The following HNRNPA0 variants were observed in gnomAD, a reference collection of about 807,000 sequenced individuals.
HNRNPA0 encodes hnRNA binding protein.
For synonymous variants in HNRNPA0, 243 were observed against 195.5 expected (o/e 1.24, Z -2.03); for missense variants, 252 against 433.7 (o/e 0.58, Z 3.72).
rs748132831 is a variant in HNRNPA0 at position 137,753,308 on chromosome 5, G to C, written c.759C>G (p.Gly253=). The C allele has an allele frequency of 6.4e-6, 10 of 1,570,300 alleles. No homozygotes were observed. The highest frequency in any genetic ancestry group is 8.6e-6 in the Non-Finnish European group (10 of 1,158,300). Reference sequence around the variant, plus strand: ...GATGCTGGCTGTAGCTGCCGAAGCCGCCGAAGCCGTTACCGTAGTCGCTCC... The same window carrying C: ...GATGCTGGCTGTAGCTGCCGAAGCCCCCGAAGCCGTTACCGTAGTCGCTCC... ...YGGSDYGNGF[G]GFGSYSQHQS... The change falls in exon 1 of 1, where the codon GGC becomes GGG. Residue 253 remains glycine, a synonymous_variant. Coordinates refer to ENST00000314940, the MANE Select transcript of HNRNPA0 (RefSeq NM_006805.4). The surrounding 1 kb of genome is among the most constrained non-coding windows in gnomAD (Gnocchi z 6.1).
chr5:137,750,345 T>C lies in HNRNPA0; in HGVS notation c.*2804A>G, dbSNP rs534478406. ...TCAGATAAGGAATACTCAACCTGTA[T>C]CATCTCTAACAGCCTTTCAAACCAC... On this transcript the variant is annotated 3_prime_UTR_variant, in exon 1 of 1. Coordinates refer to ENST00000314940, the MANE Select transcript of HNRNPA0 (RefSeq NM_006805.4). 35 of 152,320 alleles carry C rather than the reference T, an allele frequency of 2.3e-4. No individual in the cohort carries two copies. Among genetic ancestry groups the C allele is most frequent in the East Asian group, 7.7e-4 (4 of 5,186 alleles). 9.4% of individuals were successfully genotyped at this position (152,320 alleles called of 1,614,324 possible).
In HNRNPA0 at chr5:137,753,955, C is replaced by G. The variant is rs1458913002; in HGVS notation, c.112G>C (p.Val38Leu). The G allele has an allele frequency of 6.2e-7, 1 of 1,614,182 alleles. No individual in the cohort carries two copies. Among genetic ancestry groups the G allele is most frequent in the Non-Finnish European group, 8.5e-7 (1 of 1,180,036 alleles). The change falls in exon 1 of 1, where the codon GTG becomes CTG. Residue 38 changes from valine (V) to leucine (L), a missense_variant. Coordinates refer to ENST00000314940, the MANE Select transcript of HNRNPA0 (RefSeq NM_006805.4). The surrounding 1 kb of genome is among the most constrained non-coding windows in gnomAD (Gnocchi z 6.1). Reference protein sequence around the residue: ...EAFGTLTDCVVVVNPQTKRSR... With the variant: ...EAFGTLTDCVLVVNPQTKRSR... ...CGCTTGGTCTGGGGATTCACCACCA[C>G]CACGCAGTCCGTCAGAGTCCCAAAG...
At position 137,753,833 on chromosome 5, in the gene HNRNPA0, C is replaced by T; in HGVS notation, c.234G>A (p.Glu78=). ...SPHAVDGNTV[E]LKRAVSREDS... is the part of the protein sequence containing the mutation. ...CCTCCCGGGACACCGCCCGCTTCAG[C>T]TCCACAGTGTTGCCGTCCACGGCAT... Residue 78 remains glutamate (E), a synonymous_variant, in exon 1 of 1, where the codon GAG becomes GAA. Transcript: ENST00000314940. This position sits in a 1 kb window ranked among gnomAD's most constrained non-coding sequence, Gnocchi z 6.1. The T allele has an allele frequency of 6.2e-7, 1 of 1,612,284 alleles. No individual in the cohort carries two copies. Among genetic ancestry groups the T allele is most frequent in the Admixed American group, 1.7e-5 (1 of 60,028 alleles).
At position 137,746,435 on chromosome 5, in the gene HNRNPA0, CCAA is replaced by C. The variant is rs1276716296; in HGVS notation, c.*6711_*6713del. 1 of 152,180 alleles carries C rather than the reference CCAA, an allele frequency of 6.6e-6. No individual in the cohort carries two copies. The highest frequency in any genetic ancestry group is 6.5e-5 in the Admixed American group (1 of 15,286). The allele number at this position is 152,180 out of a possible 1,614,324, so 9.4% of individuals were successfully genotyped here. ...TTCCTTTCCTCCTCTTCCTTCAGGT[CCAA>C]CAACCCTGAACAATTTGCATTTCTT... is the stretch of plus-strand genomic sequence containing the variant. On this transcript the variant is annotated 3_prime_UTR_variant, in exon 1 of 1. Transcript: ENST00000314940.
chr5:137,746,766 A>C lies in HNRNPA0; in HGVS notation c.*6383T>G, dbSNP rs984338282. On this transcript the variant is annotated 3_prime_UTR_variant, in exon 1 of 1. Transcript: ENST00000314940. ...AGTAAAATATAAGCTCTTTGAGGGC[A>C]GGGATTTTTGTCTTTTTCTTCTGTA... 2 of 152,172 alleles carry C rather than the reference A, an allele frequency of 1.3e-5. No homozygotes were observed. Among genetic ancestry groups the C allele is most frequent in the Non-Finnish European group, 2.9e-5 (2 of 68,028 alleles). 9.4% of individuals were successfully genotyped at this position (152,172 alleles called of 1,614,324 possible).
rs1050179 is a variant in HNRNPA0, at chr5:137,751,634, G to C, written c.*1515C>G. 6.6e-6 allele frequency: 1 copy of C among 152,042 alleles called. No homozygotes were observed. Among genetic ancestry groups the C allele is most frequent in the Non-Finnish European group, 1.5e-5 (1 of 67,918 alleles). 9.4% of individuals were successfully genotyped at this position (152,042 alleles called of 1,614,324 possible). A position where few individuals can be genotyped will look rare whatever the true frequency, so the allele number is the denominator to read the frequency against. The stretch of plus-strand genomic sequence containing the variant: ...CGTTGCTATTCTCTATTTCTATCCA[G>C]AAAGGCAATTTTCACCTATTATCAC... On this transcript the variant is annotated 3_prime_UTR_variant, in exon 1 of 1. Coordinates refer to ENST00000314940, the MANE Select transcript of HNRNPA0 (RefSeq NM_006805.4).
rs888790574 is a variant in HNRNPA0, at chr5:137,750,159, C to G, written c.*2990G>C. 1.3e-5 allele frequency: 2 copies of G among 151,960 alleles called. No homozygotes were observed. Among genetic ancestry groups the G allele is most frequent in the Admixed American group, 6.6e-5 (1 of 15,262 alleles). The allele number at this position is 151,960 out of a possible 1,614,324, so 9.4% of individuals were successfully genotyped here. A position where few individuals can be genotyped will look rare whatever the true frequency, so the allele number is the denominator to read the frequency against. On this transcript the variant is annotated 3_prime_UTR_variant, in exon 1 of 1. Coordinates refer to ENST00000314940, the MANE Select transcript of HNRNPA0 (RefSeq NM_006805.4). ...AAAAAATCTAAAATGCTCCAAAATC[C>G]GAAATTTTTTGAGTGCAGACATGAC...
Position 137,753,686 on chromosome 5 carries a change from G to T in HNRNPA0, c.381C>A (p.Ala127=). ...CGGACTGCTTGTCGGCAATAATCTC[G>T]GCCTTTTCCACGGTGCCAAACTGCG... ...HFSQFGTVEK[A]EIIADKQSGK... Residue 127 remains alanine (A), a synonymous_variant, in exon 1 of 1, where the codon GCC becomes GCA. Coordinates refer to ENST00000314940, the MANE Select transcript of HNRNPA0 (RefSeq NM_006805.4). The surrounding 1 kb of genome is among the most constrained non-coding windows in gnomAD (Gnocchi z 6.1). 6.2e-7 allele frequency: 1 copy of T among 1,613,912 alleles called. No individual in the cohort carries two copies. The highest frequency in any genetic ancestry group is 8.5e-7 in the Non-Finnish European group (1 of 1,180,032).
Position 137,749,211 on chromosome 5 carries a change from G to C in HNRNPA0, c.*3938C>G, listed in dbSNP as rs905703440. The C allele has an allele frequency of 6.6e-6, 1 of 152,156 alleles. No individual in the cohort carries two copies. The highest frequency in any genetic ancestry group is 2.4e-5 in the African/African-American group (1 of 41,438). 9.4% of individuals were successfully genotyped at this position (152,156 alleles called of 1,614,324 possible). A position where few individuals can be genotyped will look rare whatever the true frequency, so the allele number is the denominator to read the frequency against. ...CAGGAAATGATAGCTATTTCAGATA[G>C]ATTTTTTAAGTAAACCATACAAAGT... On this transcript the variant is annotated 3_prime_UTR_variant, in exon 1 of 1. Coordinates refer to ENST00000314940, the MANE Select transcript of HNRNPA0 (RefSeq NM_006805.4).
rs1434983037 is a variant in HNRNPA0, at chr5:137,750,812, T to TC, written c.*2336dup. 6.6e-6 allele frequency: 1 copy of TC among 152,166 alleles called. No individual in the cohort carries two copies. The highest frequency in any genetic ancestry group is 1.5e-5 in the Non-Finnish European group (1 of 68,008). 9.4% of individuals were successfully genotyped at this position (152,166 alleles called of 1,614,324 possible). ...TACACAGAAAATCCTTTTACATAATTCATTTGCAAACTTTAGAAGCCACTA... is the reference window on the plus strand; with the variant it reads ...TACACAGAAAATCCTTTTACATAATTCCATTTGCAAACTTTAGAAGCCACTA... On this transcript the variant is annotated 3_prime_UTR_variant, in exon 1 of 1. Coordinates refer to ENST00000314940, the MANE Select transcript of HNRNPA0 (RefSeq NM_006805.4).
chr5:137,754,337 T>G lies in HNRNPA0; in HGVS notation c.-271A>C. On this transcript the variant is annotated 5_prime_UTR_variant, in exon 1 of 1. Coordinates refer to ENST00000314940, the MANE Select transcript of HNRNPA0 (RefSeq NM_006805.4). ...CTACCGCCGCCGCCGCCACCTCCGC[T>G]CCCCTATCTGGGCACCACACAAAGA... 6.3e-6 allele frequency: 3 copies of G among 477,052 alleles called. No individual in the cohort carries two copies. Among genetic ancestry groups the G allele is most frequent in the South Asian group, 3.0e-5 (1 of 33,572 alleles). The allele number at this position is 477,052 out of a possible 1,614,324, so 29.6% of individuals were successfully genotyped here.
At position 137,753,396 on chromosome 5, in the gene HNRNPA0, C is replaced by G; in HGVS notation, c.671G>C (p.Gly224Ala). The change falls in exon 1 of 1, where the codon GGC becomes GCC. Residue 224 changes from glycine (G) to alanine (A), a missense_variant. By Grantham distance (60) the Gly-to-Ala change is moderately conservative. Coordinates refer to ENST00000314940, the MANE Select transcript of HNRNPA0 (RefSeq NM_006805.4). This position sits in a 1 kb window ranked among gnomAD's most constrained non-coding sequence, Gnocchi z 6.1. Reference protein sequence around the residue: ...GGGYNSYGGYGGGGGGGYNAY... With the variant: ...GGGYNSYGGYAGGGGGGYNAY... ...ATTGTAGCCGCCGCCTCCGCCGCCGCCGTAACCACCGTAGCTGTTGTAACC... is the reference window on the plus strand; with the variant it reads ...ATTGTAGCCGCCGCCTCCGCCGCCGGCGTAACCACCGTAGCTGTTGTAACC... 2 of 1,548,438 alleles carry G rather than the reference C, an allele frequency of 1.3e-6. No individual in the cohort carries two copies. The highest frequency in any genetic ancestry group is 2.4e-5 in the South Asian group (2 of 84,492).
rs1003570762 is a variant in HNRNPA0 at position 137,749,539 on chromosome 5, A to C, written c.*3610T>G. The C allele has an allele frequency of 9.2e-5, 14 of 152,200 alleles. No homozygotes were observed. Among genetic ancestry groups the C allele is most frequent in the Admixed American group, 2.0e-4 (3 of 15,274 alleles). The allele number at this position is 152,200 out of a possible 1,614,324, so 9.4% of individuals were successfully genotyped here. On this transcript the variant is annotated 3_prime_UTR_variant, in exon 1 of 1. Transcript: ENST00000314940. ...TCACTCAAAAGCAGGACAGCTAAGG[A>C]GTTATTTGACTAGGCAGTCTTTGTT...
chr5:137,752,335 C>A lies in HNRNPA0; in HGVS notation c.*814G>T, dbSNP rs561222112. ...TTGAAGTAAATTGTCATAGAAATGA[C>A]CAACCATGTCAAGATGATAAACAAT... On this transcript the variant is annotated 3_prime_UTR_variant, in exon 1 of 1. Transcript: ENST00000314940. 5 of 152,126 alleles carry A rather than the reference C, an allele frequency of 3.3e-5. No homozygotes were observed. Among genetic ancestry groups the A allele is most frequent in the Non-Finnish European group, 7.4e-5 (5 of 68,004 alleles). The allele number at this position is 152,126 out of a possible 1,614,324, so 9.4% of individuals were successfully genotyped here. A position where few individuals can be genotyped will look rare whatever the true frequency, so the allele number is the denominator to read the frequency against.
At position 137,750,653 on chromosome 5, in the gene HNRNPA0, T is replaced by TA. The variant is rs1295759499; in HGVS notation, c.*2495dup. 6.6e-6 allele frequency: 1 copy of TA among 152,106 alleles called. No homozygotes were observed. The highest frequency in any genetic ancestry group is 1.5e-5 in the Non-Finnish European group (1 of 67,994). The allele number at this position is 152,106 out of a possible 1,614,324, so 9.4% of individuals were successfully genotyped here. A position where few individuals can be genotyped will look rare whatever the true frequency, so the allele number is the denominator to read the frequency against. On this transcript the variant is annotated 3_prime_UTR_variant, in exon 1 of 1. Coordinates refer to ENST00000314940, the MANE Select transcript of HNRNPA0 (RefSeq NM_006805.4). ...TCCCACATGCCAAAATGTTTGCATA[T>TA]AAACTGACAAGAGGAACCCAGAAGT...
chr5:137,751,571 T>A lies in HNRNPA0; in HGVS notation c.*1578A>T, dbSNP rs530445520. 1 of 150,934 alleles carries A rather than the reference T, an allele frequency of 6.6e-6. No homozygotes were observed. Among genetic ancestry groups the A allele is most frequent in the East Asian group, 1.9e-4 (1 of 5,144 alleles). The allele number at this position is 150,934 out of a possible 1,614,324, so 9.3% of individuals were successfully genotyped here. A position where few individuals can be genotyped will look rare whatever the true frequency, so the allele number is the denominator to read the frequency against. On this transcript the variant is annotated 3_prime_UTR_variant, in exon 1 of 1. Coordinates refer to ENST00000314940, the MANE Select transcript of HNRNPA0 (RefSeq NM_006805.4). Reference sequence around the variant, plus strand: ...GGTTATACATACTCTCACTCAATCATGTAAAGAATTGAATTCTTTATTTGT... The same window carrying A: ...GGTTATACATACTCTCACTCAATCAAGTAAAGAATTGAATTCTTTATTTGT...
In HNRNPA0 at chr5:137,753,278, G is replaced by A. The variant is rs367912022; in HGVS notation, c.789C>T (p.Ser263=). The part of the protein sequence containing the change: ...GGFGSYSQHQ[S]SYGPMKSGGG... ...CGCCGCTCTTCATGGGCCCATAGGA[G>A]GACTGATGCTGGCTGTAGCTGCCGA... Residue 263 remains serine (S), a synonymous_variant, in exon 1 of 1, where the codon TCC becomes TCT. Coordinates refer to ENST00000314940, the MANE Select transcript of HNRNPA0 (RefSeq NM_006805.4). This position sits in a 1 kb window ranked among gnomAD's most constrained non-coding sequence, Gnocchi z 6.1. 18 of 1,601,038 alleles carry A rather than the reference G, an allele frequency of 1.1e-5. No homozygotes were observed. Among genetic ancestry groups the A allele is most frequent in the Non-Finnish European group, 1.4e-5 (16 of 1,174,122 alleles).
rs1351818822 is a variant in HNRNPA0 at position 137,747,870 on chromosome 5, ACT to A, written c.*5277_*5278del. 6.6e-6 allele frequency: 1 copy of A among 152,002 alleles called. No individual in the cohort carries two copies. The highest frequency in any genetic ancestry group is 6.6e-5 in the Admixed American group (1 of 15,252). 9.4% of individuals were successfully genotyped at this position (152,002 alleles called of 1,614,324 possible). On this transcript the variant is annotated 3_prime_UTR_variant, in exon 1 of 1. Transcript: ENST00000314940. ...TCATTTTCTCAATTTATTTCTCACA[ACT>A]CTCTTTTATCTTAGTACAAATTAGA... is the stretch of plus-strand genomic sequence containing the variant.
At position 137,749,406 on chromosome 5, in the gene HNRNPA0, G is replaced by A. The variant is rs1192905989; in HGVS notation, c.*3743C>T. On this transcript the variant is annotated 3_prime_UTR_variant, in exon 1 of 1. Transcript: ENST00000314940. ...TGGAAAATAGAGAATTGCCCTTCTA[G>A]TCTTCCTACTTTGGAATTCCTTTTT... is the stretch of plus-strand genomic sequence containing the variant. 6.6e-6 allele frequency: 1 copy of A among 152,144 alleles called. No homozygotes were observed. The allele number at this position is 152,144 out of a possible 1,614,324, so 9.4% of individuals were successfully genotyped here.
Sources: gnomAD v4.1 joint callset for allele counts on GRCh38, gnomAD v4.1.1 for gene constraint, Gnocchi (gnomAD v3.1) non-coding constraint, MANE v1.5 for transcripts, NCBI Gene and HGNC (gene_info 2026-07-23, HGNC 2026-07-21) for gene names.